SPON1: variants seen among roughly 807,000 people sequenced by gnomAD.
SPON1 encodes spondin-1.
SPON1 carries 52 observed loss-of-function variants against 111.7 expected under a neutral mutation model. The ratio of observed to expected loss-of-function variants is 0.47; its 90% CI spans 0.37 to 0.59. The LOEUF (loss-of-function observed/expected upper bound fraction) is 0.59. SPON1 is among the 20% of genes least tolerant of loss of function. The pLI is 0.00. For synonymous variants in SPON1, 410 were observed against 395.8 expected, an observed-to-expected ratio of 1.04 and a Z score of -0.43; for missense variants, 957 against 1,068.5, an observed-to-expected ratio of 0.90 and a Z score of 1.46.
At chr11:14,230,494 CTT>C (rs1554938555) in intron 6 of SPON1, among the ~76,000 whole-genome samples, 2 of 152,166 alleles carry the variant, frequency 1.3e-5, no homozygotes, top group Non-Finnish European at 2.9e-5. Flanking sequence ...GCCTAACACT[CTT>C]TAAAATTGTC....
At position 14,259,732 on chromosome 11, in the gene SPON1, G is replaced by A; in HGVS notation, c.1831+31G>A. 6.4e-7 allele frequency: 1 copy of A among 1,555,358 alleles called. No homozygotes were observed. Among genetic ancestry groups the A allele is most frequent in the South Asian group, 1.2e-5 (1 of 83,096 alleles). The stretch of plus-strand genomic sequence containing the variant: ...TGAGAGCGGGGGTGGACTTGGAGGA[G>A]GCCACTGGGGACAGGCGTGGAGGGC... On this transcript the variant is annotated intron_variant, in intron 13 of 15. Transcript: ENST00000576479. The surrounding 1 kb of genome is among the most constrained non-coding windows in gnomAD (Gnocchi z 5.0).
At chr11:14,250,633 T>C (rs1273117046) in intron 7 of SPON1, among the ~76,000 whole-genome samples, 1 of 152,184 alleles carries the variant, frequency 6.6e-6, no homozygotes, top group Non-Finnish European at 1.5e-5. Flanking sequence ...AACTCTCTGC[T>C]AGAAAACGGA....
chr11:14,112,309 T>C (rs1220623233), intron 5 of SPON1, among the ~76,000 whole-genome samples: 1 of 152,206 alleles, frequency 6.6e-6, no homozygotes, highest in Non-Finnish European at 1.5e-5. Context: ...AGTCTCCTTA[T>C]TTGGAAGAAC....
At chr11:14,030,480 C>A (rs1271476931) in intron 2 of SPON1, among the ~76,000 whole-genome samples, 5 of 152,206 alleles carry the variant, frequency 3.3e-5, no homozygotes, top group Non-Finnish European at 5.9e-5. Context: ...TCACCTCCCC[C>A]ACAATCCCAC....
intron 5 of SPON1, among the ~76,000 whole-genome samples, chr11:14,102,631 T>A (rs1444202531): frequency 6.6e-6 from 1 of 152,192 alleles, no homozygotes; most frequent in African/African-American, 2.4e-5. Flanking sequence ...GTCAGGTCTC[T>A]TTAGTCTTGT....
intron 6 of SPON1, among the ~76,000 whole-genome samples, chr11:14,240,180 T>C (rs1848910075): frequency 6.6e-6 from 1 of 152,202 alleles, no homozygotes; most frequent in Non-Finnish European, 1.5e-5. Flanking sequence ...GCTTTGCTTT[T>C]TCAACAATCT....
chr11:14,259,814 C>CCCAGCAAGGA lies in SPON1; in HGVS notation c.1831+116_1831+117insGCAAGGACCA. On this transcript the variant is annotated intron_variant, in intron 13 of 15. Transcript: ENST00000576479. This position sits in a 1 kb window ranked among gnomAD's most constrained non-coding sequence, Gnocchi z 5.0. ...GGAGGCTGAGCAGAGGAAAGCATGG[C>CCCAGCAAGGA]CCATGGTCCTTGCTGGGCACTGCTG... 2 of 1,216,400 alleles carry CCCAGCAAGGA rather than the reference C, an allele frequency of 1.6e-6. No individual in the cohort carries two copies. Among genetic ancestry groups the CCCAGCAAGGA allele is most frequent in the Non-Finnish European group, 2.3e-6 (2 of 875,044 alleles). 75.4% of individuals were successfully genotyped at this position (1,216,400 alleles called of 1,614,324 possible).
At chr11:14,054,072 A>G (rs1034718951) in intron 3 of SPON1, among the ~76,000 whole-genome samples, 2 of 152,236 alleles carry the variant, frequency 1.3e-5, no homozygotes, top group African/African-American at 4.8e-5. Context: ...ACCTAAAGTC[A>G]GTGAACAATA....
intron 2 of SPON1, among the ~76,000 whole-genome samples, chr11:14,002,678 C>G (rs1848328052): frequency 6.6e-6 from 1 of 152,044 alleles, no homozygotes; most frequent in South Asian, 2.1e-4. Flanking sequence ...TCCCAAGAGC[C>G]TGGTGGCAGG....
At chr11:14,239,357 A>G (rs1848899105) in intron 6 of SPON1, among the ~76,000 whole-genome samples, 1 of 152,214 alleles carries the variant, frequency 6.6e-6, no homozygotes, top group Non-Finnish European at 1.5e-5. Flanking sequence ...TCCCCCTAAC[A>G]AGCACATGCA....
chr11:14,217,072 G>A (rs1294385577), intron 6 of SPON1, among the ~76,000 whole-genome samples: 1 of 152,182 alleles, frequency 6.6e-6, no homozygotes, highest in East Asian at 1.9e-4. Flanking sequence ...GTGCGTCATA[G>A]GTGTTTGCTG....
chr11:14,075,308 C>G (rs570282295), intron 3 of SPON1, 37 bp from the exon 4 acceptor site: 1 of 1,524,398 alleles, frequency 6.6e-7, no homozygotes, highest in East Asian at 2.4e-5. Context: ...CCTTCCTGCC[C>G]TCCTCACCAC....
chr11:14,103,053 T>C (rs1307508837), intron 5 of SPON1, among the ~76,000 whole-genome samples: 1 of 152,146 alleles, frequency 6.6e-6, no homozygotes, highest in Admixed American at 6.5e-5. Flanking sequence ...ATGTTCTGCC[T>C]GGTAGTGTAT....
intron 5 of SPON1, among the ~76,000 whole-genome samples, chr11:14,092,501 C>A (rs1024412941): frequency 5.9e-5 from 9 of 152,068 alleles, no homozygotes; most frequent in African/African-American, 2.2e-4. Flanking sequence ...GGGGCAATAC[C>A]CAGTCTCTGC....
intron 7 of SPON1, among the ~76,000 whole-genome samples, chr11:14,252,741 T>C (rs1849066257): frequency 1.3e-5 from 2 of 152,150 alleles, no homozygotes; most frequent in Non-Finnish European, 2.9e-5. Flanking sequence ...CTGCCTCAGC[T>C]GAAGGCAGGC....
intron 1 of SPON1, among the ~76,000 whole-genome samples, chr11:13,963,794 T>A (rs982373085): frequency 2.0e-5 from 3 of 152,128 alleles, no homozygotes; most frequent in Admixed American, 6.5e-5. Flanking sequence ...AGATAGAGTA[T>A]CTTGGGTTTC....
chr11:14,041,201 T>C (rs112985924), intron 2 of SPON1, among the ~76,000 whole-genome samples: 1 of 152,204 alleles, frequency 6.6e-6, no homozygotes, highest in African/African-American at 2.4e-5. Flanking sequence ...CCATCCTCCT[T>C]CTTCCCCAAA....
chr11:14,199,927 C>T (rs1386050452), intron 6 of SPON1, among the ~76,000 whole-genome samples: 2 of 152,206 alleles, frequency 1.3e-5, no homozygotes, highest in Non-Finnish European at 2.9e-5. Context: ...CCCAGCCACG[C>T]ATATGTGCCC....
At chr11:13,980,035 T>TC (rs36007115) in intron 1 of SPON1, among the ~76,000 whole-genome samples, 1 of 150,992 alleles carries the variant, frequency 6.6e-6, no homozygotes, top group Admixed American at 6.6e-5. Flanking sequence ...GTGCTTTTTT[T>TC]CCCCTCATTC....
Sources: gnomAD v4.1 joint callset for allele counts (sites outside exome capture counted in the v4.1 genomes callset) on GRCh38, gnomAD v4.1.1 for gene constraint, Gnocchi (gnomAD v3.1) non-coding constraint, MANE v1.5 for transcripts, NCBI Gene and HGNC (gene_info 2026-07-23, HGNC 2026-07-21) for gene names.